The following PTPRT variants were observed in gnomAD, a reference collection of about 807,000 sequenced individuals.
The protein encoded by PTPRT is protein tyrosine phosphatase receptor type T.
PTPRT carries 56 observed loss-of-function variants against 176.8 expected under a neutral mutation model. The observed-to-expected ratio is 0.32, with a 90% CI of 0.26 to 0.40. PTPRT has a LOEUF of 0.40. PTPRT is among the 10% of genes least tolerant of loss of function. The pLI is 1.00. For synonymous variants in PTPRT, 783 were observed against 739.0 expected (o/e 1.06, Z -0.96); for missense variants, 1,540 against 1,908.2 (o/e 0.81, Z 3.60).
intron 1 of PTPRT, among the ~76,000 whole-genome samples, chr20:42,985,323 C>T (rs1275765601): frequency 2.0e-5 from 3 of 152,018 alleles, no homozygotes; most frequent in Admixed American, 6.5e-5. Flanking sequence ...GGTGAAACCC[C>T]GTCTCTACTA....
At chr20:42,181,726 C>A (rs1211392395) in intron 16 of PTPRT, among the ~76,000 whole-genome samples, 1 of 152,126 alleles carries the variant, frequency 6.6e-6, no homozygotes, top group Non-Finnish European at 1.5e-5. Context: ...AGGCCAAGCA[C>A]CATACTAGTC....
chr20:43,090,415 C>G (rs533735480), intron 1 of PTPRT, among the ~76,000 whole-genome samples: 56 of 152,066 alleles, frequency 3.7e-4, no homozygotes, highest in Admixed American at 1.6e-3. Flanking sequence ...CTACAGGCGC[C>G]CGCCACCACG....
chr20:42,797,474 T>C (rs1299706043), intron 2 of PTPRT, among the ~76,000 whole-genome samples: 2 of 152,118 alleles, frequency 1.3e-5, no homozygotes, highest in Non-Finnish European at 1.5e-5. Flanking sequence ...TTCATGAGAA[T>C]ATGTGGAGCC....
chr20:42,256,295 C>T (rs575193913), intron 13 of PTPRT, among the ~76,000 whole-genome samples: 1 of 152,236 alleles, frequency 6.6e-6, no homozygotes, highest in East Asian at 1.9e-4. Flanking sequence ...AAGTCCAAGA[C>T]AGAAAAGAAG....
At chr20:42,242,436 C>A (rs2056372687) in intron 14 of PTPRT, among the ~76,000 whole-genome samples, 1 of 152,132 alleles carries the variant, frequency 6.6e-6, no homozygotes, top group Non-Finnish European at 1.5e-5. Context: ...AAATGGGATG[C>A]AAATACAAAG....
At chr20:42,070,800 G>A (rs1012304544), downstream of PTPRT, among the ~76,000 whole-genome samples, 2 of 152,142 alleles carry the variant, frequency 1.3e-5, no homozygotes, top group Non-Finnish European at 1.5e-5. Context: ...TTTCAAGTGA[G>A]TATGTGCTAC....
At chr20:42,155,751 G>A (rs964043544) in intron 17 of PTPRT, among the ~76,000 whole-genome samples, 9 of 152,032 alleles carry the variant, frequency 5.9e-5, no homozygotes, top group African/African-American at 1.2e-4. Context: ...GAAAAAGTGC[G>A]TAGGCTTGTC....
intron 6 of PTPRT, among the ~76,000 whole-genome samples, chr20:42,729,403 G>A (rs929752097): frequency 6.6e-6 from 1 of 152,226 alleles, no homozygotes; most frequent in Non-Finnish European, 1.5e-5. Context: ...AATAAACAGT[G>A]ATCAAGGCTT....
intron 9 of PTPRT, among the ~76,000 whole-genome samples, chr20:42,379,863 G>A (rs766448485): frequency 6.6e-6 from 1 of 151,852 alleles, no homozygotes; most frequent in Non-Finnish European, 1.5e-5. Flanking sequence ...TTACAATTCT[G>A]TGAAGCTGAT....
At chr20:43,138,172 G>A (rs1479767085) in intron 1 of PTPRT, among the ~76,000 whole-genome samples, 4 of 152,168 alleles carry the variant, frequency 2.6e-5, no homozygotes, top group Admixed American at 1.3e-4. Flanking sequence ...GGGATTGCCC[G>A]GGCTCTCTGG....
At chr20:42,879,664 T>C (rs1464117828) in intron 2 of PTPRT, among the ~76,000 whole-genome samples, 1 of 151,956 alleles carries the variant, frequency 6.6e-6, no homozygotes, top group African/African-American at 2.4e-5. Flanking sequence ...AAAGGCCCCA[T>C]GGTGTGAAGG....
chr20:43,008,939 G>C (rs1265091639), intron 1 of PTPRT, among the ~76,000 whole-genome samples: 2 of 152,140 alleles, frequency 1.3e-5, no homozygotes, highest in African/African-American at 4.8e-5. Context: ...GCACCTCTCA[G>C]GTGGGTTTGG....
chr20:42,064,687 G>C, the PTPRT span, among the ~76,000 whole-genome samples: 1 of 152,048 alleles, frequency 6.6e-6, no homozygotes, highest in Admixed American at 6.6e-5. Context: ...GGCATTACTA[G>C]ACATATACCA....
Position 42,860,679 on chromosome 20 carries a change from G to T in PTPRT, c.214+25128C>A, listed in dbSNP as rs560553571. On this transcript the variant is annotated intron_variant, in intron 2 of 30. Coordinates refer to ENST00000373187, the MANE Select transcript of PTPRT (RefSeq NM_007050.6). ...TATTATGTTTCCTAACTGGTGATTG[G>T]TATTTAGAAAATTTTTCATTTTTGT... Among the ~76,000 whole-genome samples, 31 of 152,102 alleles carry T rather than the reference G, an allele frequency of 2.0e-4. 2 individuals carry two copies. The South Asian group carries it at 6.4e-3, about 32-fold the overall frequency.
At chr20:42,520,762 A>G (rs998169662) in intron 7 of PTPRT, among the ~76,000 whole-genome samples, 13 of 151,282 alleles carry the variant, frequency 8.6e-5, no homozygotes, top group African/African-American at 3.2e-4. Context: ...CTAGGATATC[A>G]TTCTTTCCAG....
chr20:42,429,284 A>T (rs2059194683), intron 9 of PTPRT, among the ~76,000 whole-genome samples: 1 of 152,150 alleles, frequency 6.6e-6, no homozygotes, highest in African/African-American at 2.4e-5. Context: ...CAGATAATTC[A>T]AGCAGAGTTG....
the PTPRT span, among the ~76,000 whole-genome samples, chr20:42,052,073 A>G: frequency 6.6e-6 from 1 of 152,228 alleles, no homozygotes; most frequent in African/African-American, 2.4e-5. Flanking sequence ...TGCTGACTGC[A>G]GTTTGCTTCC....
chr20:42,809,135 G>T (rs1351698648), intron 2 of PTPRT, among the ~76,000 whole-genome samples: 1 of 152,162 alleles, frequency 6.6e-6, no homozygotes, highest in Non-Finnish European at 1.5e-5. Context: ...TTAGTTAGGG[G>T]GTTGAATCAA....
At chr20:42,032,360 G>T in the PTPRT span, among the ~76,000 whole-genome samples, 3 of 152,152 alleles carry the variant, frequency 2.0e-5, no homozygotes, top group Non-Finnish European at 4.4e-5. Context: ...GACAGAGAGA[G>T]CTCTTGGGCG....
Sources: gnomAD v4.1 joint callset for allele counts (sites outside exome capture counted in the v4.1 genomes callset) on GRCh38, gnomAD v4.1.1 for gene constraint, MANE v1.5 for transcripts, NCBI Gene and HGNC (gene_info 2026-07-23, HGNC 2026-07-21) for gene names.